The following SPATA13 variants were observed in gnomAD, a reference collection of about 807,000 sequenced individuals.
SPATA13 encodes spermatogenesis-associated protein 13.
Under a neutral mutation model 104.0 loss-of-function variants are expected in SPATA13, and 50 were observed. The observed-to-expected ratio is 0.48, with a 90% CI of 0.38 to 0.61. The LOEUF (loss-of-function observed/expected upper bound fraction) is 0.61. Ranked by LOEUF, SPATA13 falls within the 20% of genes least tolerant of loss-of-function variation. The pLI, the probability that SPATA13 is intolerant of heterozygous loss-of-function variation, is 0.00. For synonymous variants in SPATA13, 606 were observed against 667.5 expected, an observed-to-expected ratio of 0.91 and a Z score of 1.42; for missense variants, 1,524 against 1,690.6, an observed-to-expected ratio of 0.90 and a Z score of 1.73.
chr13:24,114,854 G>A (rs926630062), intron 3 of SPATA13, among the ~76,000 whole-genome samples: 8 of 152,088 alleles, frequency 5.3e-5, no homozygotes, highest in Admixed American at 2.0e-4. Context: ...TAGAGTTGGG[G>A]TTTCTCCATG....
intron 3 of SPATA13, among the ~76,000 whole-genome samples, chr13:24,081,955 G>A (rs1309344240): frequency 6.6e-6 from 1 of 152,182 alleles, no homozygotes; most frequent in African/African-American, 2.4e-5. Context: ...TGGGATTGAT[G>A]AGCCATAGGT....
chr13:24,050,916 T>G (rs1593299515), intron 3 of SPATA13, among the ~76,000 whole-genome samples: 1 of 152,296 alleles, frequency 6.6e-6, no homozygotes, highest in East Asian at 1.9e-4. Context: ...CTTACCCACT[T>G]CTCAAAAGAA....
chr13:24,118,184 T>C (rs1439019948), intron 3 of SPATA13, among the ~76,000 whole-genome samples: 1 of 152,100 alleles, frequency 6.6e-6, no homozygotes, highest in Non-Finnish European at 1.5e-5. Flanking sequence ...AGCCAGGTGC[T>C]GGGAAAAAGC....
intron 2 of SPATA13, 139 bp from the exon 3 acceptor site, chr13:24,249,338 C>A: frequency 9.1e-7 from 1 of 1,096,578 alleles, no homozygotes. Flanking sequence ...TGTTCTAGTA[C>A]ACAAATAACT....
intron 3 of SPATA13, among the ~76,000 whole-genome samples, chr13:24,041,397 C>T (rs6490854): frequency 0.88 from 134,285 of 152,252 alleles, 59,430 homozygotes; most frequent in Middle Eastern, 0.97. Flanking sequence ...TAGCATAATC[C>T]ATGATGCCTA....
At chr13:24,116,848 G>A (rs1174568879) in intron 3 of SPATA13, among the ~76,000 whole-genome samples, 4 of 152,002 alleles carry the variant, frequency 2.6e-5, no homozygotes, top group South Asian at 2.1e-4. Context: ...CATGAGGGTG[G>A]GACTCTCATA....
intron 12 of SPATA13, among the ~76,000 whole-genome samples, chr13:24,301,865 A>C (rs1877208443): frequency 6.6e-6 from 1 of 152,246 alleles, no homozygotes; most frequent in African/African-American, 2.4e-5. Context: ...TATTGAGGGC[A>C]CAGTTCTAAG....
At chr13:24,211,886 C>G (rs1871037582) in intron 1 of SPATA13, among the ~76,000 whole-genome samples, 1 of 152,162 alleles carries the variant, frequency 6.6e-6, no homozygotes, top group Non-Finnish European at 1.5e-5. Flanking sequence ...CAACATCCGT[C>G]CTTTCTCTGG....
intron 2 of SPATA13, among the ~76,000 whole-genome samples, chr13:23,993,790 C>A (rs556767312): frequency 6.6e-6 from 1 of 152,270 alleles, no homozygotes; most frequent in East Asian, 1.9e-4. Flanking sequence ...AGCTGTAAAC[C>A]ACCCCTGCTC....
chr13:24,018,820 G>T (rs1340492325), intron 3 of SPATA13, among the ~76,000 whole-genome samples: 3 of 152,152 alleles, frequency 2.0e-5, no homozygotes, highest in African/African-American at 7.2e-5. Context: ...CCAACGTTTT[G>T]TGTATCATAC....
At chr13:24,103,426 A>G (rs1343719182) in intron 3 of SPATA13, among the ~76,000 whole-genome samples, 1 of 143,440 alleles carries the variant, frequency 7.0e-6, no homozygotes, top group Non-Finnish European at 1.5e-5. Context: ...TTGAGGTTAC[A>G]CTGAGCTGTG....
rs58600844 is a variant in SPATA13, at chr13:24,046,298, C to CTTTT, written c.-112+28605_-112+28608dup. ...TTCTAACACCATAGATTTCTTTTGC[C>CTTTT]TTTTTTTTTTTAAGAGTCAGAGTGT... On this transcript the variant is annotated intron_variant, in intron 3 of 14. Coordinates refer to the SPATA13 transcript ENST00000424834. 2.0e-3 allele frequency among the ~76,000 whole-genome samples: 294 copies of CTTTT among 145,466 alleles called. 1 individual carries two copies. The highest frequency in any genetic ancestry group is 7.2e-3 in the African/African-American group (282 of 39,156).
In SPATA13 at chr13:24,303,440, T is replaced by C. The variant is rs1877359644; in HGVS notation, c.*667T>C. On this transcript the variant is annotated 3_prime_UTR_variant, in exon 13 of 13. Coordinates refer to ENST00000382108, the MANE Select transcript of SPATA13 (RefSeq NM_001166271.3). ...GATGCATCTGTCACCTTCATCAGGG[T>C]CCTCAGTGCAGAGCAACTTACGCAT... is the stretch of plus-strand genomic sequence containing the variant. The C allele has an allele frequency of 5.0e-6, 1 of 199,220 alleles. No individual in the cohort carries two copies. Among genetic ancestry groups the C allele is most frequent in the Non-Finnish European group, 1.1e-5 (1 of 92,818 alleles). The allele number at this position is 199,220 out of a possible 1,614,324, so 12.3% of individuals were successfully genotyped here. A position where few individuals can be genotyped will look rare whatever the true frequency, so the allele number is the denominator to read the frequency against.
rs9580887 is a variant in SPATA13, at chr13:24,143,961, A to G, written c.-111-78858A>G. 9.7e-3 allele frequency among the ~76,000 whole-genome samples: 1,474 copies of G among 152,344 alleles called. 30 individuals carry two copies. The highest frequency in any genetic ancestry group is 0.034 in the African/African-American group (1,422 of 41,570). On this transcript the variant is annotated intron_variant, in intron 3 of 14. Transcript: ENST00000424834. Reference sequence around the variant, plus strand: ...TGGTTGCCCTGAAACCACAGGGCATATGATGAGAGGTCACAGGTGAGAAAG... The same window carrying G: ...TGGTTGCCCTGAAACCACAGGGCATGTGATGAGAGGTCACAGGTGAGAAAG...
intron 1 of SPATA13, among the ~76,000 whole-genome samples, chr13:24,186,772 A>G (rs59116361): frequency 0.043 from 6,554 of 152,256 alleles, 433 homozygotes; most frequent in African/African-American, 0.14. Context: ...CAACAACGCT[A>G]TTGAGGCGGT....
chr13:24,084,372 C>T (rs1255454354), intron 3 of SPATA13, among the ~76,000 whole-genome samples: 29 of 152,192 alleles, frequency 1.9e-4, no homozygotes, highest in Admixed American at 1.8e-3. Context: ...ACTTATGATG[C>T]TCCCTTAAGA....
chr13:24,046,597 C>T (rs939356605), intron 3 of SPATA13, among the ~76,000 whole-genome samples: 42 of 146,218 alleles, frequency 2.9e-4, no homozygotes, highest in African/African-American at 1.1e-3. Flanking sequence ...CAAGATTCAT[C>T]CATGATGTGT....
chr13:23,985,357 G>T (rs1566062303), intron 2 of SPATA13, among the ~76,000 whole-genome samples: 1 of 152,254 alleles, frequency 6.6e-6, no homozygotes, highest in Non-Finnish European at 1.5e-5. Flanking sequence ...TTGTGTCATG[G>T]CGTGGCCACC....
At chr13:24,203,538 G>A (rs992301385) in intron 1 of SPATA13, among the ~76,000 whole-genome samples, 1 of 152,170 alleles carries the variant, frequency 6.6e-6, no homozygotes, top group African/African-American at 2.4e-5. Context: ...AGGATTGGAT[G>A]TGACATGTAA....
Sources: allele counts gnomAD v4.1 joint callset (sites outside exome capture counted in the v4.1 genomes callset), GRCh38; gene constraint gnomAD v4.1.1; transcripts MANE v1.5; gene names NCBI Gene and HGNC (gene_info 2026-07-23, HGNC 2026-07-21).